Variants in AK5 observed in about 807,000 individuals in gnomAD.
The protein encoded by AK5 is adenylate kinase 5.
A neutral mutation model predicts 69.5 loss-of-function variants in AK5; 27 were observed. The observed-to-expected ratio is 0.39, with a 90% CI of 0.29 to 0.54. The LOEUF (loss-of-function observed/expected upper bound fraction) is 0.54. Among genes scored for constraint, AK5 ranks in the 20% least tolerant of loss-of-function variants. The pLI is 0.71. For missense variants in AK5, 531 were observed against 700.4 expected, an observed-to-expected ratio of 0.76 and a Z score of 2.73; for synonymous variants, 260 against 244.4, an observed-to-expected ratio of 1.06 and a Z score of -0.60.
intron 13 of AK5, among the ~76,000 whole-genome samples, chr1:77,537,707 C>A (rs1375226525): frequency 6.6e-6 from 1 of 152,180 alleles, no homozygotes; most frequent in Non-Finnish European, 1.5e-5. Flanking sequence ...TGGGGGAAAA[C>A]CATTGATAAT....
intron 3 of AK5, among the ~76,000 whole-genome samples, 157 bp from the exon 4 acceptor site, chr1:77,297,402 T>G (rs1449940580): frequency 6.6e-6 from 1 of 152,184 alleles, no homozygotes. Context: ...TCTACTTGCT[T>G]TACATTCAAA....
intron 8 of AK5, among the ~76,000 whole-genome samples, chr1:77,454,256 A>T (rs1010325675): frequency 1.3e-5 from 2 of 152,132 alleles, no homozygotes; most frequent in Non-Finnish European, 2.9e-5. Context: ...TTACTCTGGA[A>T]TATTCTCACT....
chr1:77,318,369 C>T (rs891153625), intron 5 of AK5, among the ~76,000 whole-genome samples: 1 of 152,084 alleles, frequency 6.6e-6, no homozygotes, highest in African/African-American at 2.4e-5. Context: ...GAGAACTTTG[C>T]CCCCATGATC....
At chr1:77,329,502 C>G (rs1219451216) in intron 5 of AK5, among the ~76,000 whole-genome samples, 2 of 152,138 alleles carry the variant, frequency 1.3e-5, no homozygotes, top group African/African-American at 2.4e-5. Context: ...CTGAACTGAT[C>G]ATTCCACCTC....
chr1:77,476,906 T>A (rs1298079785), intron 8 of AK5, among the ~76,000 whole-genome samples: 34 of 148,614 alleles, frequency 2.3e-4, no homozygotes, highest in African/African-American at 7.4e-4. Flanking sequence ...TGCTGTTTTT[T>A]TAAAAAAAAA....
At chr1:77,317,914 A>G (rs1434037318) in intron 5 of AK5, among the ~76,000 whole-genome samples, 1 of 152,236 alleles carries the variant, frequency 6.6e-6, no homozygotes, top group African/African-American at 2.4e-5. Context: ...ACTTTTAGTA[A>G]CGTTTATTCT....
intron 8 of AK5, among the ~76,000 whole-genome samples, chr1:77,463,531 G>C (rs1424073655): frequency 6.9e-6 from 1 of 144,994 alleles, no homozygotes; most frequent in Non-Finnish European, 1.5e-5. Context: ...TCTTGGTTAA[G>C]ATTCTTTAGG....
chr1:77,296,276 G>A (rs1257376042), intron 3 of AK5, among the ~76,000 whole-genome samples: 1 of 151,982 alleles, frequency 6.6e-6, no homozygotes, highest in African/African-American at 2.4e-5. Flanking sequence ...TCATGTTAAC[G>A]TAATCATAAA....
Position 77,483,410 on chromosome 1 carries a change from C to G in AK5, c.1102+51C>G, listed in dbSNP as rs146278759. ...AAAGTTGTCATTTTAGTAACTTTGA[C>G]CATGCCTTTTTAATTAAACATCAAC... is the stretch of plus-strand genomic sequence containing the variant. On this transcript the variant is annotated intron_variant, in intron 9 of 13. Coordinates refer to ENST00000354567, the MANE Select transcript of AK5 (RefSeq NM_174858.3). 1,082 of 1,408,854 alleles carry G rather than the reference C, an allele frequency of 7.7e-4. 9 individuals carry two copies. In the African/African-American group the frequency reaches 0.014, roughly 18 times the overall value. 87.3% of individuals were successfully genotyped at this position (1,408,854 alleles called of 1,614,324 possible).
rs553089548 is a variant in AK5, at chr1:77,559,228, A to G, written c.*558A>G. On this transcript the variant is annotated 3_prime_UTR_variant, in exon 14 of 14. Coordinates refer to ENST00000354567, the MANE Select transcript of AK5 (RefSeq NM_174858.3). ...AATGCCTTGTACATGATATAGAGGC[A>G]TCAAGCAAGTAAAATTTGACAGAAA... is the stretch of plus-strand genomic sequence containing the variant. 6.6e-6 allele frequency: 1 copy of G among 152,372 alleles called. No homozygotes were observed. Among genetic ancestry groups the G allele is most frequent in the African/African-American group, 2.4e-5 (1 of 41,584 alleles). 9.4% of individuals were successfully genotyped at this position (152,372 alleles called of 1,614,324 possible). A position where few individuals can be genotyped will look rare whatever the true frequency, so the allele number is the denominator to read the frequency against.
chr1:77,504,017 A>G (rs1278519116), intron 10 of AK5, among the ~76,000 whole-genome samples: 1 of 152,186 alleles, frequency 6.6e-6, no homozygotes, highest in Non-Finnish European at 1.5e-5. Context: ...TTGAAGACAT[A>G]TACACTTTTC....
Position 77,293,835 on chromosome 1 carries a change from G to A in AK5, c.290G>A (p.Arg97Gln), listed in dbSNP as rs377402236. ...AACTTTCCATATCGGCGGTATGACCGGCTCCCTCCAATCCATCAATTCTCC... is the reference window on the plus strand; with the variant it reads ...AACTTTCCATATCGGCGGTATGACCAGCTCCCTCCAATCCATCAATTCTCC... The part of the protein sequence containing the change: ...NSNFPYRRYD[R>Q]LPPIHQFSIE... Residue 97 changes from arginine to glutamine, a missense_variant, in exon 3 of 14, where the codon CGG (arginine) becomes CAG (glutamine). Transcript: ENST00000354567. 3.1e-6 allele frequency: 5 copies of A among 1,611,356 alleles called. No individual in the cohort carries two copies. The highest frequency in any genetic ancestry group is 3.4e-6 in the Non-Finnish European group (4 of 1,179,166).
chr1:77,338,177 C>A (rs889351611), intron 5 of AK5, among the ~76,000 whole-genome samples: 8 of 152,058 alleles, frequency 5.3e-5, no homozygotes, highest in African/African-American at 1.9e-4. Context: ...TTTGGCCAGA[C>A]TGGTCTCGAA....
At chr1:77,386,306 A>G (rs1156945220) in intron 6 of AK5, among the ~76,000 whole-genome samples, 1 of 152,196 alleles carries the variant, frequency 6.6e-6, no homozygotes, top group Non-Finnish European at 1.5e-5. Context: ...CCAAATATTA[A>G]ATAAGAGTAA....
At chr1:77,444,325 T>TAA (rs1652565239) in intron 8 of AK5, among the ~76,000 whole-genome samples, 4 of 53,816 alleles carry the variant, frequency 7.4e-5, no homozygotes, top group East Asian at 7.6e-4. Flanking sequence ...TATATGTGTA[T>TAA]ATATATAGTA....
chr1:77,336,155 C>T, intron 5 of AK5, among the ~76,000 whole-genome samples: 1 of 147,564 alleles, frequency 6.8e-6, no homozygotes, highest in East Asian at 2.0e-4. Context: ...GATCTCATCT[C>T]ACTGCAACCT....
intron 10 of AK5, among the ~76,000 whole-genome samples, chr1:77,509,580 C>T (rs1300397012): frequency 1.3e-5 from 2 of 152,092 alleles, no homozygotes; most frequent in African/African-American, 4.8e-5. Context: ...AACCTTAACC[C>T]AACATAGGGA....
At position 77,523,284 on chromosome 1, in the gene AK5, G is replaced by A. The variant is rs561513892; in HGVS notation, c.1428+1341G>A. 6.3e-4 allele frequency among the ~76,000 whole-genome samples: 96 copies of A among 152,198 alleles called. 1 individual carries two copies. Among genetic ancestry groups the A allele is most frequent in the East Asian group, 1.3e-3 (7 of 5,192 alleles). On this transcript the variant is annotated intron_variant, in intron 12 of 13. Transcript: ENST00000354567. Reference sequence around the variant, plus strand: ...CCTGGACCCATTCTGGCTGTCCCTCGACTCCAGAGCTTCCATCAGCAAGAT... The same window carrying A: ...CCTGGACCCATTCTGGCTGTCCCTCAACTCCAGAGCTTCCATCAGCAAGAT...
intron 8 of AK5, among the ~76,000 whole-genome samples, chr1:77,466,624 TA>T (rs1654159252): frequency 6.6e-6 from 1 of 152,144 alleles, no homozygotes; most frequent in African/African-American, 2.4e-5. Context: ...GGGTGATTTA[TA>T]AAAAACAAAA....
Sources: gnomAD v4.1 joint callset for allele counts (sites outside exome capture counted in the v4.1 genomes callset) on GRCh38, gnomAD v4.1.1 for gene constraint, MANE v1.5 for transcripts, NCBI Gene and HGNC (gene_info 2026-07-23, HGNC 2026-07-21) for gene names.